The following SLC22A15 variants were observed in gnomAD, a reference collection of about 807,000 sequenced individuals.
SLC22A15 encodes the protein solute carrier family 22 member 15, also known as flipt 1.
Under a neutral mutation model 62.7 loss-of-function variants are expected in SLC22A15, and 45 were observed. The ratio of observed to expected loss-of-function variants is 0.72; its 90% CI spans 0.56 to 0.92. The LOEUF (loss-of-function observed/expected upper bound fraction) is 0.92, where lower values mean the gene tolerates loss of function less well. Ranked by LOEUF, SLC22A15 falls within the 40% of genes least tolerant of loss-of-function variation. The pLI is 0.00. For missense variants in SLC22A15, 622 were observed against 665.6 expected (o/e 0.93, Z 0.72); for synonymous variants, 264 against 267.0 (o/e 0.99, Z 0.11).
rs766629670 is a variant in SLC22A15 at position 116,067,041 on chromosome 1, T to C, written c.1577T>C (p.Leu526Ser). 3 of 1,612,574 alleles carry C rather than the reference T, an allele frequency of 1.9e-6. No homozygotes were observed. Among genetic ancestry groups the C allele is most frequent in the South Asian group, 1.1e-5 (1 of 90,550 alleles). The change falls in exon 12 of 12, where the codon TTA becomes TCA. Residue 526 changes from leucine (L) to serine (S), a missense_variant. Coordinates refer to ENST00000369503, the MANE Select transcript of SLC22A15 (RefSeq NM_018420.3). ...CAGTGTGTGGACAAGGAGAGCTCTTTAGGGAGTGAGAGTGAGGAAGAGGAA... is the reference window on the plus strand; with the variant it reads ...CAGTGTGTGGACAAGGAGAGCTCTTCAGGGAGTGAGAGTGAGGAAGAGGAA... ...PQQCVDKESS[L>S]GSESEEEEEF...
rs150471147 is a variant in SLC22A15, at chr1:116,031,597, C to G, written c.944+16C>G. The G allele has an allele frequency of 3.7e-5, 60 of 1,610,874 alleles. 1 individual carries two copies. The South Asian group carries it at 6.5e-4, about 17-fold the overall frequency. On this transcript the variant is annotated intron_variant, in intron 6 of 11. Coordinates refer to ENST00000369503, the MANE Select transcript of SLC22A15 (RefSeq NM_018420.3). ...TGTTCATCTGGTAATTATACTAAGG[C>G]GTGTTCTGTTGCTCTTTAACTAAGG...
At chr1:116,052,644 G>C (rs894688673) in intron 8 of SLC22A15, among the ~76,000 whole-genome samples, 14 of 152,220 alleles carry the variant, frequency 9.2e-5, no homozygotes, top group Non-Finnish European at 1.6e-4. Context: ...CAGCCTAACT[G>C]GGAGGCACCT....
At chr1:116,005,883 A>T (rs771111640) in intron 2 of SLC22A15, among the ~76,000 whole-genome samples, 10 of 152,172 alleles carry the variant, frequency 6.6e-5, no homozygotes, top group Non-Finnish European at 1.3e-4. Flanking sequence ...GAATGCCTTC[A>T]ATTTCACAGT....
chr1:116,066,382 T>A, intron 10 of SLC22A15, 138 bp from the exon 11 acceptor site: 1 of 638,982 alleles, frequency 1.6e-6, no homozygotes, highest in Non-Finnish European at 2.6e-6. Context: ...TGGAAAGAAG[T>A]GGCTTATAGT....
At chr1:116,006,084 C>T (rs886108791) in intron 2 of SLC22A15, among the ~76,000 whole-genome samples, 15 of 152,188 alleles carry the variant, frequency 9.9e-5, no homozygotes, top group African/African-American at 3.1e-4. Flanking sequence ...ACCAGGGTGA[C>T]AGCTTGACCT....
At chr1:116,021,658 C>T (rs1656844915) in intron 4 of SLC22A15, among the ~76,000 whole-genome samples, 1 of 152,176 alleles carries the variant, frequency 6.6e-6, no homozygotes, top group Non-Finnish European at 1.5e-5. Flanking sequence ...AAGGCCATTT[C>T]TTAGAACCTG....
At chr1:116,003,611 T>C (rs1655840825) in intron 2 of SLC22A15, among the ~76,000 whole-genome samples, 2 of 152,156 alleles carry the variant, frequency 1.3e-5, no homozygotes, top group African/African-American at 4.8e-5. Flanking sequence ...CTCACTGAGT[T>C]CCAATGCAAA....
intron 10 of SLC22A15, among the ~76,000 whole-genome samples, chr1:116,065,060 G>A (rs995141593): frequency 6.6e-6 from 1 of 152,044 alleles, no homozygotes. Flanking sequence ...AAGGGAACCA[G>A]ATTAAATGAC....
chr1:116,050,286 A>C (rs1277913983), intron 8 of SLC22A15, among the ~76,000 whole-genome samples: 1 of 152,170 alleles, frequency 6.6e-6, no homozygotes, highest in Non-Finnish European at 1.5e-5. Flanking sequence ...GAAAGGACAT[A>C]ACCAAAAAAG....
Position 116,031,476 on chromosome 1 carries a change from C to T in SLC22A15, c.839C>T (p.Ser280Leu). 6.2e-7 allele frequency: 1 copy of T among 1,614,008 alleles called. No individual in the cohort carries two copies. The change falls in exon 6 of 12, where the codon TCA (serine) becomes TTA (leucine). Residue 280 changes from serine (S) to leucine (L), a missense_variant. Coordinates refer to ENST00000369503, the MANE Select transcript of SLC22A15 (RefSeq NM_018420.3). ...KRNRKLKCTF[S>L]LTHPANRSCR... ...AACCGCAAACTCAAGTGCACGTTCT[C>T]ACTAACACACCCAGCCAACAGGAGC...
intron 5 of SLC22A15, among the ~76,000 whole-genome samples, chr1:116,029,827 T>C (rs1437674853): frequency 2.6e-5 from 4 of 152,186 alleles, no homozygotes; most frequent in Non-Finnish European, 4.4e-5. Context: ...TGTGAATATT[T>C]TGGCGTATTT....
intron 2 of SLC22A15, among the ~76,000 whole-genome samples, chr1:116,013,488 A>T (rs1032575281): frequency 6.6e-6 from 1 of 152,100 alleles, no homozygotes; most frequent in Non-Finnish European, 1.5e-5. Flanking sequence ...GCTCTTGGGG[A>T]TGAGGGGAGA....
At chr1:116,029,841 G>T (rs904403800) in intron 5 of SLC22A15, among the ~76,000 whole-genome samples, 5 of 152,086 alleles carry the variant, frequency 3.3e-5, no homozygotes, top group African/African-American at 4.8e-5. Context: ...CGTATTTTCT[G>T]TTGTTTCTTT....
At chr1:116,005,012 A>T (rs978814865) in intron 2 of SLC22A15, among the ~76,000 whole-genome samples, 1 of 151,942 alleles carries the variant, frequency 6.6e-6, no homozygotes, top group Non-Finnish European at 1.5e-5. Flanking sequence ...GTCTGAAATG[A>T]TTTCCCTTCT....
chr1:116,029,190 A>G (rs1263334471), intron 5 of SLC22A15, among the ~76,000 whole-genome samples: 2 of 152,232 alleles, frequency 1.3e-5, no homozygotes, highest in Admixed American at 6.5e-5. Flanking sequence ...CAACATAAGA[A>G]GCCACATTAT....
chr1:116,037,289 T>C lies in SLC22A15; in HGVS notation c.1086-14T>C. ...GTTCTTAAGAGAACTGTGTAATTTC[T>C]TTCTATTGTTTAGGTTTGGTCGGAA... On this transcript the variant is annotated splice_polypyrimidine_tract_variant and intron_variant, in intron 7 of 11. Coordinates refer to ENST00000369503, the MANE Select transcript of SLC22A15 (RefSeq NM_018420.3). 6.2e-7 allele frequency: 1 copy of C among 1,607,302 alleles called. No homozygotes were observed. Among genetic ancestry groups the C allele is most frequent in the Non-Finnish European group, 8.5e-7 (1 of 1,174,072 alleles).
rs141038296 is a variant in SLC22A15, at chr1:116,066,600, G to A, written c.1446G>A (p.Pro482=). The A allele has an allele frequency of 3.2e-5, 51 of 1,609,266 alleles. No individual in the cohort carries two copies. Among genetic ancestry groups the A allele is most frequent in the African/African-American group, 5.3e-5 (4 of 74,904 alleles). The change falls in exon 11 of 12, where the codon CCG becomes CCA. Residue 482 remains proline (P), a synonymous_variant. Coordinates refer to ENST00000369503, the MANE Select transcript of SLC22A15 (RefSeq NM_018420.3). The part of the protein sequence containing the change: ...LTSGLLSLLL[P]ETLNSPLLET... ...CCGGCCTCCTGAGTTTGTTATTGCC[G>A]GAGACCCTTAACAGTCCGCTGCTAG...
chr1:116,006,297 C>T (rs1275592083), intron 2 of SLC22A15, among the ~76,000 whole-genome samples: 1 of 152,080 alleles, frequency 6.6e-6, no homozygotes, highest in Non-Finnish European at 1.5e-5. Flanking sequence ...ACCCTGGTCC[C>T]CACTGTATCT....
chr1:115,990,121 C>T (rs1655075952), intron 1 of SLC22A15, among the ~76,000 whole-genome samples: 1 of 152,198 alleles, frequency 6.6e-6, no homozygotes. Flanking sequence ...TTCTGGAGGG[C>T]TTGGAGACAC....
Sources: allele counts gnomAD v4.1 joint callset (sites outside exome capture counted in the v4.1 genomes callset), GRCh38; gene constraint gnomAD v4.1.1; transcripts MANE v1.5; gene names NCBI Gene and HGNC (gene_info 2026-07-23, HGNC 2026-07-21).